Variants in RBFOX1 observed in about 807,000 individuals in gnomAD.
RBFOX1 encodes the protein RNA binding protein fox-1 homolog 1.
Under a neutral mutation model 57.7 loss-of-function variants are expected in RBFOX1, and 8 were observed. That is an observed-to-expected ratio of 0.14 (90% CI 0.08 to 0.25). The LOEUF (loss-of-function observed/expected upper bound fraction) is 0.25, where lower values mean the gene tolerates loss of function less well. RBFOX1 is among the 10% of genes least tolerant of loss of function. RBFOX1 has a pLI of 1.00. For missense variants in RBFOX1, 611 were observed against 548.5 expected (o/e 1.11, Z -1.14); for synonymous variants, 326 against 222.4 (o/e 1.47, Z -4.15).
At chr16:7,544,740 T>G (rs1040478725) in intron 5 of RBFOX1, among the ~76,000 whole-genome samples, 1 of 152,240 alleles carries the variant, frequency 6.6e-6, no homozygotes, top group Non-Finnish European at 1.5e-5. Flanking sequence ...CATAATATGT[T>G]ATGGCAGTCC....
chr16:6,942,200 C>T (rs1353850506), intron 3 of RBFOX1, among the ~76,000 whole-genome samples: 3 of 152,306 alleles, frequency 2.0e-5, no homozygotes, highest in Middle Eastern at 3.4e-3. Flanking sequence ...GATGGCACCA[C>T]TGTGCTCCAA....
intron 4 of RBFOX1, among the ~76,000 whole-genome samples, chr16:5,909,170 G>A (rs1156930848): frequency 7.2e-6 from 1 of 138,946 alleles, no homozygotes; most frequent in African/African-American, 2.7e-5. Flanking sequence ...TGGGCTCACT[G>A]CAAGCTCCGC....
rs190570016 is a variant in RBFOX1, at chr16:6,509,929, G to A, written c.-63-144674G>A. 5.9e-5 allele frequency among the ~76,000 whole-genome samples: 9 copies of A among 152,278 alleles called. No individual in the cohort carries two copies. The South Asian group carries it at 1.2e-3, about 21-fold the overall frequency. On this transcript the variant is annotated intron_variant, in intron 2 of 15. Coordinates refer to ENST00000550418, the MANE Select transcript of RBFOX1 (RefSeq NM_018723.4). Reference sequence around the variant, plus strand: ...CTATATCCCTGATAATGCAGGAGACGCTCCATAAGTGATGGGATGTTTACT... The same window carrying A: ...CTATATCCCTGATAATGCAGGAGACACTCCATAAGTGATGGGATGTTTACT...
chr16:6,705,104 G>A (rs1357489999), intron 3 of RBFOX1: 1 of 152,082 alleles, frequency 6.6e-6, no homozygotes, highest in Non-Finnish European at 1.5e-5. Flanking sequence ...AGGACCCTGT[G>A]GTCCTAGAGT....
In RBFOX1 at chr16:7,014,957, G is replaced by A. The variant is rs192462306; in HGVS notation, c.-15-37100G>A. ...GCCAGGCTGGTCTCAAACTGCTGAC[G>A]TTGTGATATACCCGCCTGGACCTCC... On this transcript the variant is annotated intron_variant, in intron 3 of 15. Coordinates refer to ENST00000550418, the MANE Select transcript of RBFOX1 (RefSeq NM_018723.4). Among the ~76,000 whole-genome samples the A allele has an allele frequency of 1.2e-3, 182 of 152,156 alleles. 2 individuals carry two copies. Among genetic ancestry groups the A allele is most frequent in the Admixed American group, 3.7e-3 (56 of 15,284 alleles).
At chr16:6,540,632 A>C (rs1024062756) in intron 2 of RBFOX1, among the ~76,000 whole-genome samples, 7 of 151,688 alleles carry the variant, frequency 4.6e-5, no homozygotes, top group African/African-American at 1.5e-4. Flanking sequence ...AAAAAAAAAA[A>C]AAAAAACCTC....
intron 3 of RBFOX1, among the ~76,000 whole-genome samples, chr16:6,671,249 C>A (rs1306561786): frequency 9.9e-5 from 15 of 152,124 alleles, no homozygotes; most frequent in Non-Finnish European, 2.2e-4. Context: ...AAGGTAATGG[C>A]TTCTTATGCT....
intron 4 of RBFOX1, among the ~76,000 whole-genome samples, chr16:5,914,274 T>C (rs2058662979): frequency 6.6e-6 from 1 of 152,358 alleles, no homozygotes; most frequent in Admixed American, 6.5e-5. Context: ...ACTTGGCAAC[T>C]TAAAATAAGA....
chr16:7,226,605 T>C (rs574197690), intron 4 of RBFOX1, among the ~76,000 whole-genome samples: 1 of 152,332 alleles, frequency 6.6e-6, no homozygotes, highest in East Asian at 1.9e-4. Context: ...CCTGGAACAG[T>C]GTTAAGTGCT....
At chr16:7,614,752 C>G (rs139954106) in intron 10 of RBFOX1, 12 of 152,176 alleles carry the variant, frequency 7.9e-5, no homozygotes, top group African/African-American at 2.7e-4. Context: ...CAGCAAGCCA[C>G]TTGCAGGTAC....
At chr16:5,636,640 C>T (rs1447329021) in intron 3 of RBFOX1, among the ~76,000 whole-genome samples, 1 of 152,124 alleles carries the variant, frequency 6.6e-6, no homozygotes, top group Admixed American at 6.5e-5. Flanking sequence ...AGCCAACTTT[C>T]GTACTCGTAG....
chr16:5,744,273 G>A (rs901553582), intron 3 of RBFOX1, among the ~76,000 whole-genome samples: 4 of 152,072 alleles, frequency 2.6e-5, no homozygotes, highest in Admixed American at 1.3e-4. Context: ...GAATTGCTCT[G>A]TCTTCTGGGT....
intron 3 of RBFOX1, among the ~76,000 whole-genome samples, chr16:6,882,873 C>T (rs138616969): frequency 6.6e-6 from 1 of 152,114 alleles, no homozygotes; most frequent in Non-Finnish European, 1.5e-5. Context: ...CAACCATCTT[C>T]CTGCTCTGTT....
At chr16:6,082,243 C>T (rs1213607444) in intron 1 of RBFOX1, among the ~76,000 whole-genome samples, 2 of 131,032 alleles carry the variant, frequency 1.5e-5, no homozygotes, top group Non-Finnish European at 3.1e-5. Flanking sequence ...TGTAGTGGTG[C>T]AATCTCGGCT....
intron 1 of RBFOX1, among the ~76,000 whole-genome samples, chr16:5,347,760 A>C (rs984351034): frequency 8.1e-6 from 1 of 122,942 alleles, no homozygotes; most frequent in Admixed American, 8.9e-5. Flanking sequence ...CAACCCATCC[A>C]CCCACACTTC....
At chr16:6,821,460 T>G (rs2091288438) in intron 3 of RBFOX1, among the ~76,000 whole-genome samples, 2 of 152,246 alleles carry the variant, frequency 1.3e-5, no homozygotes, top group South Asian at 4.1e-4. Flanking sequence ...CATAGTGCAT[T>G]AATGTTGTGC....
chr16:6,938,631 G>C (rs2077778500), intron 3 of RBFOX1, among the ~76,000 whole-genome samples: 1 of 152,096 alleles, frequency 6.6e-6, no homozygotes, highest in South Asian at 2.1e-4. Context: ...TTTATAGGAG[G>C]ACAATCTAGG....
intron 3 of RBFOX1, among the ~76,000 whole-genome samples, chr16:6,656,056 C>T (rs570108805): frequency 9.2e-5 from 14 of 152,272 alleles, no homozygotes; most frequent in African/African-American, 2.9e-4. Context: ...AAAGGAATTT[C>T]AATTCATGTT....
chr16:5,622,422 G>A (rs59471520), intron 3 of RBFOX1, among the ~76,000 whole-genome samples: 2,615 of 152,312 alleles, frequency 0.017, 50 homozygotes, highest in East Asian at 0.1. Flanking sequence ...AGTACCTGGC[G>A]TAGTAAGCCC....
Sources: gnomAD v4.1 joint callset for allele counts (sites outside exome capture counted in the v4.1 genomes callset) on GRCh38, gnomAD v4.1.1 for gene constraint, MANE v1.5 for transcripts, NCBI Gene and HGNC (gene_info 2026-07-23, HGNC 2026-07-21) for gene names.